MYO1D: variants seen among roughly 807,000 people sequenced by gnomAD.
MYO1D encodes the protein unconventional myosin-Id.
Under a neutral mutation model 122.0 loss-of-function variants are expected in MYO1D, and 83 were observed. The ratio of observed to expected loss-of-function variants is 0.68; its 90% confidence interval spans 0.57 to 0.82. MYO1D has a LOEUF of 0.82. Ranked by LOEUF, MYO1D falls within the 40% of genes least tolerant of loss-of-function variation. The pLI is 0.00. For missense variants in MYO1D, 1,157 were observed against 1,269.5 expected (o/e 0.91, Z 1.35); for synonymous variants, 464 against 446.9 (o/e 1.04, Z -0.48).
intron 21 of MYO1D, among the ~76,000 whole-genome samples, chr17:32,505,865 A>G (rs1909485767): frequency 6.6e-6 from 1 of 152,208 alleles, no homozygotes; most frequent in Admixed American, 6.5e-5. Flanking sequence ...GAAGGAAAAA[A>G]ACCGTCCACC....
At chr17:32,597,099 A>G (rs1188126972) in intron 21 of MYO1D, among the ~76,000 whole-genome samples, 1 of 152,250 alleles carries the variant, frequency 6.6e-6, no homozygotes, top group Admixed American at 6.5e-5. Flanking sequence ...AAATGCTATG[A>G]GAGATTGTTC....
chr17:32,687,037 A>T (rs2089023178), intron 16 of MYO1D, among the ~76,000 whole-genome samples: 2 of 151,988 alleles, frequency 1.3e-5, no homozygotes, highest in South Asian at 4.1e-4. Flanking sequence ...CTAAATACAC[A>T]GGTACTTACA....
chr17:32,714,318 C>A (rs1038257792), intron 15 of MYO1D, among the ~76,000 whole-genome samples: 14 of 151,146 alleles, frequency 9.3e-5, no homozygotes, highest in Non-Finnish European at 1.8e-4. Context: ...AGAACATGTG[C>A]GGTTTGGTTT....
chr17:32,657,586 A>G (rs1389577576), intron 17 of MYO1D, among the ~76,000 whole-genome samples: 1 of 152,254 alleles, frequency 6.6e-6, no homozygotes. Flanking sequence ...GCTTGTGTGC[A>G]CGCACGTGTG....
In MYO1D at chr17:32,494,580, G is replaced by A. The variant is rs868714724; in HGVS notation, c.*179C>T. 1.8e-4 allele frequency: 138 copies of A among 763,724 alleles called. No individual in the cohort carries two copies. In the Middle Eastern group the frequency reaches 3.8e-3, roughly 21 times the overall value. The allele number at this position is 763,724 out of a possible 1,614,324, so 47.3% of individuals were successfully genotyped here. A position where few individuals can be genotyped will look rare whatever the true frequency, so the allele number is the denominator to read the frequency against. ...ATTGAACAGGGACCGTGGACAGTAA[G>A]GACAGAGGAAGATGATACCAAAGGC... On this transcript the variant is annotated 3_prime_UTR_variant, in exon 22 of 22. Transcript: ENST00000318217.
At chr17:32,785,388 G>A (rs547627712) in intron 1 of MYO1D, among the ~76,000 whole-genome samples, 4 of 152,268 alleles carry the variant, frequency 2.6e-5, no homozygotes, top group African/African-American at 7.2e-5. Flanking sequence ...TACTTGAGGA[G>A]GAACGTACAC....
At chr17:32,543,891 C>T (rs1484494308) in intron 21 of MYO1D, among the ~76,000 whole-genome samples, 2 of 152,142 alleles carry the variant, frequency 1.3e-5, no homozygotes, top group South Asian at 2.1e-4. Flanking sequence ...CTCCCAGGCT[C>T]AAGCAATTCT....
At chr17:32,738,102 G>C in intron 14 of MYO1D, 151 bp downstream of exon 14, 1 of 624,346 alleles carries the variant, frequency 1.6e-6, no homozygotes, top group South Asian at 4.5e-5. Flanking sequence ...TTTTAAAAAT[G>C]CAGGAATAAA....
intron 18 of MYO1D, 151 bp from the exon 19 acceptor site, chr17:32,654,098 T>C (rs941501282): frequency 4.8e-6 from 3 of 623,540 alleles, no homozygotes; most frequent in African/African-American, 1.9e-5. Flanking sequence ...TACTAAATGG[T>C]TGTTGTAACA....
intron 19 of MYO1D, among the ~76,000 whole-genome samples, chr17:32,651,745 G>A (rs1388819627): frequency 3.4e-5 from 5 of 148,408 alleles, no homozygotes; most frequent in African/African-American, 7.5e-5. Context: ...GCACGATCTC[G>A]GCTCACTGCA....
intron 1 of MYO1D, among the ~76,000 whole-genome samples, chr17:32,802,832 G>C (rs1350982476): frequency 6.6e-6 from 1 of 152,156 alleles, no homozygotes; most frequent in African/African-American, 2.4e-5. Flanking sequence ...AACACAGAAT[G>C]ATACATGATT....
At chr17:32,712,217 G>C (rs763554081) in intron 15 of MYO1D, 22 bp from the exon 16 acceptor site, 1 of 1,592,420 alleles carries the variant, frequency 6.3e-7, no homozygotes, top group Non-Finnish European at 8.6e-7. Context: ...AAAGAAACAG[G>C]GTTAAGGGAG....
intron 21 of MYO1D, among the ~76,000 whole-genome samples, chr17:32,506,326 CA>C (rs1909502179): frequency 6.6e-6 from 1 of 152,162 alleles, no homozygotes; most frequent in Admixed American, 6.5e-5. Flanking sequence ...TGGATAACAG[CA>C]GCATGAAAGG....
chr17:32,738,101 T>G lies in MYO1D; in HGVS notation c.1746+152A>C, dbSNP rs1405194124. Reference sequence around the variant, plus strand: ...TCCACTGAGGTGAGATTTTTAAAAATGCAGGAATAAAAATTCTATTATAAC... The same window carrying G: ...TCCACTGAGGTGAGATTTTTAAAAAGGCAGGAATAAAAATTCTATTATAAC... On this transcript the variant is annotated intron_variant, in intron 14 of 21. Coordinates refer to ENST00000318217, the MANE Select transcript of MYO1D (RefSeq NM_015194.3). The G allele has an allele frequency of 4.8e-6, 3 of 624,748 alleles. No homozygotes were observed. The African/African-American group carries it at 5.7e-5, about 12-fold the overall frequency. 38.7% of individuals were successfully genotyped at this position (624,748 alleles called of 1,614,324 possible). A position where few individuals can be genotyped will look rare whatever the true frequency, so the allele number is the denominator to read the frequency against.
rs751223050 is a variant in MYO1D at position 32,712,137 on chromosome 17, C to G, written c.1972G>C (p.Ala658Pro). 5.0e-6 allele frequency: 8 copies of G among 1,614,022 alleles called. No individual in the cohort carries two copies. In the Admixed American group the frequency reaches 1.0e-4, roughly 20 times the overall value. ...PNHDLPSDKE[A>P]VKKLIERCGF... is the part of the protein sequence containing the mutation. Reference sequence around the variant, plus strand: ...CACCGTTCAATTAGTTTCTTGACAGCCTCTTTGTCTGAAGGAAGGTCATGG... The same window carrying G: ...CACCGTTCAATTAGTTTCTTGACAGGCTCTTTGTCTGAAGGAAGGTCATGG... The change falls in exon 16 of 22, where the codon GCT (alanine) becomes CCT (proline). Residue 658 changes from alanine to proline, a missense_variant. Physicochemically the swap from Ala to Pro is conservative, Grantham distance 27 (BLOSUM62 -1). Transcript: ENST00000318217.
chr17:32,573,945 AG>A (rs1284644766), intron 21 of MYO1D, among the ~76,000 whole-genome samples: 2 of 151,968 alleles, frequency 1.3e-5, no homozygotes, highest in African/African-American at 2.4e-5. Flanking sequence ...TCCGCCCCCC[AG>A]GGTTCACGCC....
chr17:32,635,737 G>A (rs539311377), intron 20 of MYO1D, among the ~76,000 whole-genome samples: 13 of 152,176 alleles, frequency 8.5e-5, no homozygotes, highest in African/African-American at 1.4e-4. Flanking sequence ...GACAGAATGC[G>A]CTTACAGTCT....
intron 21 of MYO1D, among the ~76,000 whole-genome samples, chr17:32,581,486 C>T (rs958136840): frequency 6.6e-6 from 1 of 151,182 alleles, no homozygotes; most frequent in Non-Finnish European, 1.5e-5. Context: ...TTCCTTCCTT[C>T]CTCCCTCCCT....
intron 21 of MYO1D, among the ~76,000 whole-genome samples, chr17:32,521,409 T>C (rs899888490): frequency 2.0e-5 from 3 of 152,194 alleles, no homozygotes; most frequent in Admixed American, 2.0e-4. Context: ...TGAAGGCCTG[T>C]AAATTCCCGC....
Sources: gnomAD v4.1 joint callset for allele counts (sites outside exome capture counted in the v4.1 genomes callset) on GRCh38, gnomAD v4.1.1 for gene constraint, MANE v1.5 for transcripts, NCBI Gene and HGNC (gene_info 2026-07-23, HGNC 2026-07-21) for gene names.